TXNDC12: variants seen among roughly 807,000 people sequenced by gnomAD.
TXNDC12 encodes thioredoxin domain containing 12, also known as thioredoxin domain-containing protein 12.
In TXNDC12, 22 loss-of-function variants were observed where a neutral mutation model predicts 24.2. The observed-to-expected ratio is 0.91, with a 90% CI of 0.65 to 1.30. The LOEUF (loss-of-function observed/expected upper bound fraction) is 1.30, where lower values mean the gene tolerates loss of function less well. Ranked by LOEUF, TXNDC12 falls within the 50% of genes most tolerant of loss-of-function variation. The pLI, the probability that TXNDC12 is intolerant of heterozygous loss-of-function variation, is 0.00. For missense variants in TXNDC12, 184 were observed against 205.8 expected, an observed-to-expected ratio of 0.89 and a Z score of 0.65; for synonymous variants, 58 against 73.4, an observed-to-expected ratio of 0.79 and a Z score of 1.07.
chr1:52,055,265 G>A, upstream of TXNDC12: 1 of 597,098 alleles, frequency 1.7e-6, no homozygotes, highest in South Asian at 1.9e-5. Context: ...TGGTGCCTCC[G>A]GGGTCCGGTT....
At chr1:52,026,990 C>T (rs541160443) in intron 4 of TXNDC12, among the ~76,000 whole-genome samples, 214 of 151,786 alleles carry the variant, frequency 1.4e-3, no homozygotes, top group South Asian at 2.5e-3. Flanking sequence ...GAGCCAGGAT[C>T]GCACCACTGC....
chr1:52,055,224 T>A (rs1229641126), upstream of TXNDC12: 1 of 664,770 alleles, frequency 1.5e-6, no homozygotes, highest in Non-Finnish European at 2.7e-6. Context: ...TTTTTCAAAC[T>A]CTGAAGGAAG....
intron 1 of TXNDC12, among the ~76,000 whole-genome samples, chr1:52,045,689 C>T (rs1349508307): frequency 6.6e-6 from 1 of 152,102 alleles, no homozygotes; most frequent in Admixed American, 6.5e-5. Context: ...TGTACAACAC[C>T]AAGAATGAAC....
At chr1:52,033,303 C>T (rs1685810133) in intron 2 of TXNDC12, 1 of 1,613,962 alleles carries the variant, frequency 6.2e-7, no homozygotes, top group Non-Finnish European at 8.5e-7. Flanking sequence ...TATGCAGTTC[C>T]CTGAGGACGC....
intron 2 of TXNDC12, chr1:52,033,285 G>C (rs775849058): frequency 1.2e-6 from 2 of 1,613,972 alleles, no homozygotes; most frequent in African/African-American, 1.3e-5. Flanking sequence ...TTACTACAGA[G>C]TCCGCAGTAT....
chr1:52,033,476 G>A lies in TXNDC12; in HGVS notation c.159-4846C>T, dbSNP rs201065316. On this transcript the variant is annotated intron_variant, in intron 2 of 6. Transcript: ENST00000371626. ...AGGCAGAGCGGGGTGCGCGCCGCCCGTGCCAGGCAGTAGAGCTCGTAACGG... is the reference window on the plus strand; with the variant it reads ...AGGCAGAGCGGGGTGCGCGCCGCCCATGCCAGGCAGTAGAGCTCGTAACGG... 7.4e-6 allele frequency: 12 copies of A among 1,613,568 alleles called. No homozygotes were observed. Among genetic ancestry groups the A allele is most frequent in the East Asian group, 2.2e-5 (1 of 44,868 alleles).
chr1:52,047,966 T>C (rs1303475889), intron 1 of TXNDC12, among the ~76,000 whole-genome samples: 1 of 149,778 alleles, frequency 6.7e-6, no homozygotes, highest in African/African-American at 2.5e-5. Flanking sequence ...GGAGATAAAA[T>C]AAGAACAAGC....
At chr1:52,026,761 C>T (rs761754658) in intron 4 of TXNDC12, among the ~76,000 whole-genome samples, 1 of 152,012 alleles carries the variant, frequency 6.6e-6, no homozygotes, top group Admixed American at 6.6e-5. Context: ...ATTGGCCAAA[C>T]GCGGTGGCTC....
chr1:52,045,308 T>C (rs1686071210), intron 1 of TXNDC12, among the ~76,000 whole-genome samples: 1 of 152,192 alleles, frequency 6.6e-6, no homozygotes, highest in Admixed American at 6.5e-5. Context: ...CTATTCTATA[T>C]GAAACTGTAA....
At chr1:52,047,503 A>G (rs1281027152) in intron 1 of TXNDC12, among the ~76,000 whole-genome samples, 1 of 152,246 alleles carries the variant, frequency 6.6e-6, no homozygotes, top group Non-Finnish European at 1.5e-5. Flanking sequence ...AGGAAGGCCT[A>G]GATACAAAGA....
rs576265945 is a variant in TXNDC12 at position 52,033,689 on chromosome 1, G to A, written c.159-5059C>T. On this transcript the variant is annotated intron_variant, in intron 2 of 6. Coordinates refer to ENST00000371626, the MANE Select transcript of TXNDC12 (RefSeq NM_015913.4). The stretch of plus-strand genomic sequence containing the variant: ...TACACCGCGCGGCCCTCGGCAGCCA[G>A]CGCCACGCGCAACTCTTCAGCACGC... 2.4e-4 allele frequency: 386 copies of A among 1,611,168 alleles called. 1 individual carries two copies. The African/African-American group carries it at 4.6e-3, about 19-fold the overall frequency.
upstream of TXNDC12, chr1:52,056,147 A>G (rs988927032): frequency 2.0e-5 from 3 of 152,286 alleles, no homozygotes; most frequent in Admixed American, 6.5e-5. Flanking sequence ...CCGCGCGGCC[A>G]CCTGCACCTG....
intron 2 of TXNDC12, among the ~76,000 whole-genome samples, chr1:52,038,255 C>T (rs562305793): frequency 6.6e-6 from 1 of 151,942 alleles, no homozygotes; most frequent in South Asian, 2.1e-4. Flanking sequence ...ATTTTCTTAA[C>T]GGTGTCTGAG....
chr1:52,045,804 A>G (rs1226042311), intron 1 of TXNDC12, among the ~76,000 whole-genome samples: 1 of 152,180 alleles, frequency 6.6e-6, no homozygotes, highest in Non-Finnish European at 1.5e-5. Context: ...ACATTTTTAG[A>G]TAAGCTGAGT....
intron 1 of TXNDC12, among the ~76,000 whole-genome samples, chr1:52,047,718 C>T (rs140444161): frequency 1.3e-5 from 2 of 151,544 alleles, no homozygotes; most frequent in African/African-American, 4.8e-5. Context: ...GTCTGGGCAA[C>T]AGGATGAGAC....
chr1:52,051,129 A>G (rs1686192053), intron 1 of TXNDC12, among the ~76,000 whole-genome samples: 1 of 152,226 alleles, frequency 6.6e-6, no homozygotes, highest in South Asian at 2.1e-4. Flanking sequence ...TGAAAAATGC[A>G]CACAACAGCA....
At chr1:52,039,755 A>G (rs1685952023) in intron 2 of TXNDC12, among the ~76,000 whole-genome samples, 1 of 152,240 alleles carries the variant, frequency 6.6e-6, no homozygotes, top group South Asian at 2.1e-4. Context: ...CCATAGCAAC[A>G]GGAGGTGGCC....
intron 2 of TXNDC12, among the ~76,000 whole-genome samples, chr1:52,031,160 C>A (rs1280766792): frequency 7.2e-6 from 1 of 138,680 alleles, no homozygotes; most frequent in Non-Finnish European, 1.6e-5. Context: ...TTCATCCTAT[C>A]TTTTTTTTTT....
At chr1:52,056,092 G>C (rs1392290317), upstream of TXNDC12, 1 of 152,142 alleles carries the variant, frequency 6.6e-6, no homozygotes, top group Non-Finnish European at 1.5e-5. Flanking sequence ...AAAATTGTAG[G>C]CAGGGACACA....
Sources: gnomAD v4.1 joint callset for allele counts (sites outside exome capture counted in the v4.1 genomes callset) on GRCh38, gnomAD v4.1.1 for gene constraint, MANE v1.5 for transcripts, NCBI Gene and HGNC (gene_info 2026-07-23, HGNC 2026-07-21) for gene names.